EDAR: variants seen among roughly 807,000 people sequenced by gnomAD.
EDAR encodes tumor necrosis factor receptor superfamily member EDAR.
A neutral mutation model predicts 51.3 loss-of-function variants in EDAR; 38 were observed. That is an observed-to-expected ratio of 0.74 (90% confidence interval 0.57 to 0.97). EDAR has a LOEUF of 0.97. Among genes scored for constraint, EDAR ranks in the 50% least tolerant of loss-of-function variants. EDAR has a pLI of 0.00. For synonymous variants in EDAR, 227 were observed against 242.1 expected (o/e 0.94, Z 0.58); for missense variants, 528 against 595.0 (o/e 0.89, Z 1.17).
intron 9 of EDAR, among the ~76,000 whole-genome samples, chr2:108,908,237 C>T (rs1017415068): frequency 3.3e-5 from 5 of 152,066 alleles, no homozygotes; most frequent in South Asian, 2.1e-4. Flanking sequence ...CAAACAAGTC[C>T]GTGGTGGGTG....
chr2:108,972,799 G>A lies in EDAR; in HGVS notation c.-19+16161C>T, dbSNP rs957088258. Among the ~76,000 whole-genome samples, 11 of 152,260 alleles carry A rather than the reference G, an allele frequency of 7.2e-5. No individual in the cohort carries two copies. In the East Asian group the frequency reaches 9.7e-4, roughly 13 times the overall value. ...AGGGGGTGAGGACCGGGGGGCCTCCGGCAGGGGCGTTCACTCTTCCTCCAA... is the reference window on the plus strand; with the variant it reads ...AGGGGGTGAGGACCGGGGGGCCTCCAGCAGGGGCGTTCACTCTTCCTCCAA... On this transcript the variant is annotated intron_variant, in intron 1 of 11. Coordinates refer to ENST00000258443, the MANE Select transcript of EDAR (RefSeq NM_022336.4).
intron 1 of EDAR, among the ~76,000 whole-genome samples, chr2:108,938,672 T>A (rs972297991): frequency 1.3e-5 from 2 of 152,188 alleles, no homozygotes; most frequent in Non-Finnish European, 2.9e-5. Flanking sequence ...AAAAAATCCC[T>A]ACTTTTTTGC....
chr2:108,973,726 C>A (rs929086689), intron 1 of EDAR, among the ~76,000 whole-genome samples: 1 of 152,198 alleles, frequency 6.6e-6, no homozygotes, highest in Non-Finnish European at 1.5e-5. Flanking sequence ...ACTACAAAAC[C>A]TGGAAATTTT....
intron 5 of EDAR, among the ~76,000 whole-genome samples, chr2:108,916,725 GGTGGGATGGTGGACC>G (rs1462048874): frequency 2.6e-5 from 4 of 152,140 alleles, no homozygotes; most frequent in African/African-American, 9.7e-5. Flanking sequence ...GGGCAAGATG[GGTGGGATGGTGGACC>G]CTGACATTTC....
At chr2:108,928,890 T>A (rs772992431) in intron 4 of EDAR, among the ~76,000 whole-genome samples, 8 of 152,250 alleles carry the variant, frequency 5.3e-5, no homozygotes, top group African/African-American at 9.6e-5. Context: ...TCCCAAAGTG[T>A]TTCACATGCG....
intron 1 of EDAR, among the ~76,000 whole-genome samples, chr2:108,939,060 G>A (rs1044181400): frequency 6.6e-6 from 1 of 152,036 alleles, no homozygotes; most frequent in Non-Finnish European, 1.5e-5. Context: ...TTACAGGCAT[G>A]AGCCACCGTG....
intron 1 of EDAR, among the ~76,000 whole-genome samples, chr2:108,954,764 C>T (rs1697888915): frequency 6.6e-6 from 1 of 152,000 alleles, no homozygotes; most frequent in Non-Finnish European, 1.5e-5. Context: ...CAACCTCCAC[C>T]TCCCAGGTTC....
chr2:108,910,378 A>T, intron 9 of EDAR, 82 bp downstream of exon 9: 1 of 1,137,334 alleles, frequency 8.8e-7, no homozygotes, highest in Non-Finnish European at 1.3e-6. Flanking sequence ...CTGTCAGTTC[A>T]CTCGGCTGCA....
At chr2:108,937,717 ATGTG>A (rs1268398616) in intron 1 of EDAR, among the ~76,000 whole-genome samples, 3 of 151,130 alleles carry the variant, frequency 2.0e-5, no homozygotes, top group Non-Finnish European at 4.4e-5. Flanking sequence ...ATGTGTGTGT[ATGTG>A]TGTGTGTATC....
intron 5 of EDAR, among the ~76,000 whole-genome samples, chr2:108,922,058 C>G (rs1451798120): frequency 6.6e-6 from 1 of 152,250 alleles, no homozygotes; most frequent in Non-Finnish European, 1.5e-5. Flanking sequence ...CATTGCTGGA[C>G]TTAGAGAGGC....
intron 4 of EDAR, among the ~76,000 whole-genome samples, chr2:108,924,699 C>G (rs760806711): frequency 6.6e-6 from 1 of 152,182 alleles, no homozygotes; most frequent in Non-Finnish European, 1.5e-5. Context: ...CCTCAAAGCC[C>G]TTTATCCTCA....
rs116790675 is a variant in EDAR, at chr2:108,953,164, T to C, written c.-18-22132A>G. ...TCCATCTGTGCTCTTGGAGTCTCTA[T>C]TGAAAGCTCAAAGTGGTGGCTGAGC... On this transcript the variant is annotated intron_variant, in intron 1 of 11. Transcript: ENST00000258443. Among the ~76,000 whole-genome samples, 1,296 of 152,370 alleles carry C rather than the reference T, an allele frequency of 8.5e-3. 9 individuals carry two copies. Among genetic ancestry groups the C allele is most frequent in the South Asian group, 0.028 (137 of 4,826 alleles).
intron 11 of EDAR, among the ~76,000 whole-genome samples, chr2:108,901,039 T>C (rs1355132478): frequency 6.6e-6 from 1 of 152,092 alleles, no homozygotes; most frequent in Non-Finnish European, 1.5e-5. Flanking sequence ...ACCAACACGA[T>C]CTAATCAACA....
At chr2:108,962,157 C>G (rs1041052842) in intron 1 of EDAR, among the ~76,000 whole-genome samples, 1 of 152,200 alleles carries the variant, frequency 6.6e-6, no homozygotes, top group African/African-American at 2.4e-5. Context: ...GGCAGCCTCT[C>G]AGCCTTTCCT....
At chr2:108,901,617 T>G (rs1696699838) in intron 11 of EDAR, among the ~76,000 whole-genome samples, 1 of 152,176 alleles carries the variant, frequency 6.6e-6, no homozygotes, top group Non-Finnish European at 1.5e-5. Context: ...AAGCAGGAGA[T>G]ATCACTATAC....
chr2:108,977,464 G>A (rs1390098541), intron 1 of EDAR, among the ~76,000 whole-genome samples: 1 of 152,144 alleles, frequency 6.6e-6, no homozygotes, highest in Non-Finnish European at 1.5e-5. Context: ...TAGAGACGCG[G>A]TTTCACTGTG....
chr2:108,947,136 C>A (rs955610068), intron 1 of EDAR, among the ~76,000 whole-genome samples: 6 of 152,200 alleles, frequency 3.9e-5, no homozygotes, highest in African/African-American at 1.4e-4. Flanking sequence ...AGGCCCCATG[C>A]AAAAGTCTGA....
In EDAR at chr2:108,910,750, G is replaced by A. The variant is rs917390912; in HGVS notation, c.730+26C>T. On this transcript the variant is annotated intron_variant, in intron 8 of 11. Coordinates refer to ENST00000258443, the MANE Select transcript of EDAR (RefSeq NM_022336.4). Reference sequence around the variant, plus strand: ...CCCAGAGATGGGCACCGTGCACATGGTGTGTGGAAGCCCTGGTTCACAGAC... The same window carrying A: ...CCCAGAGATGGGCACCGTGCACATGATGTGTGGAAGCCCTGGTTCACAGAC... The A allele has an allele frequency of 6.2e-6, 10 of 1,611,194 alleles. No homozygotes were observed. In the African/African-American group the frequency reaches 9.4e-5, roughly 15 times the overall value.
At chr2:108,905,146 G>A (rs1456726854) in intron 11 of EDAR, among the ~76,000 whole-genome samples, 4 of 152,240 alleles carry the variant, frequency 2.6e-5, no homozygotes, top group African/African-American at 9.6e-5. Flanking sequence ...TGGATGGGCA[G>A]AGAGGGTGTT....
Sources: gnomAD v4.1 joint callset for allele counts (sites outside exome capture counted in the v4.1 genomes callset) on GRCh38, gnomAD v4.1.1 for gene constraint, MANE v1.5 for transcripts, NCBI Gene and HGNC (gene_info 2026-07-23, HGNC 2026-07-21) for gene names.